Variants in KLRD1 observed in about 807,000 individuals in gnomAD.
KLRD1 encodes the protein killer cell lectin like receptor D1.
A neutral mutation model predicts 22.6 loss-of-function variants in KLRD1; 21 were observed. That is an observed-to-expected ratio of 0.93 (90% CI 0.66 to 1.34). The LOEUF (loss-of-function observed/expected upper bound fraction) is 1.34, where lower values mean the gene tolerates loss of function less well. Among genes scored for constraint, KLRD1 ranks in the 40% most tolerant of loss-of-function variants. The pLI is 0.00. For missense variants in KLRD1, 183 were observed against 208.6 expected, an observed-to-expected ratio of 0.88 and a Z score of 0.76; for synonymous variants, 59 against 71.1, an observed-to-expected ratio of 0.83 and a Z score of 0.85.
intron 1 of KLRD1, among the ~76,000 whole-genome samples, chr12:10,290,431 A>G (rs1171597013): frequency 6.6e-6 from 1 of 152,242 alleles, no homozygotes; most frequent in Non-Finnish European, 1.5e-5. Flanking sequence ...AATCAGAGGT[A>G]GAAGGAATTT....
At chr12:10,257,109 C>CTTGTT (rs200312444) in intron 1 of KLRD1, among the ~76,000 whole-genome samples, 4,326 of 95,894 alleles carry the variant, frequency 0.045, 301 homozygotes, top group African/African-American at 0.13. Context: ...CAAATATTTT[C>CTTGTT]TTGTTTTGTT....
intron 1 of KLRD1, among the ~76,000 whole-genome samples, chr12:10,279,239 T>C (rs1949619317): frequency 6.6e-6 from 1 of 152,202 alleles, no homozygotes; most frequent in Non-Finnish European, 1.5e-5. Flanking sequence ...AGTGAGAACA[T>C]GCAGTATTTG....
intron 1 of KLRD1, among the ~76,000 whole-genome samples, chr12:10,272,739 CTATG>C (rs1405779496): frequency 1.3e-5 from 2 of 152,156 alleles, no homozygotes; most frequent in Non-Finnish European, 2.9e-5. Flanking sequence ...AATATGTAAA[CTATG>C]TTTTTGACTT....
chr12:10,263,139 C>T (rs1949469126), intron 1 of KLRD1, among the ~76,000 whole-genome samples: 1 of 151,904 alleles, frequency 6.6e-6, no homozygotes, highest in African/African-American at 2.4e-5. Flanking sequence ...TATTTTTATG[C>T]TGAGCTATTT....
At chr12:10,308,121 A>G (rs1291343626) in intron 1 of KLRD1, 37 bp downstream of exon 1, 11 of 1,593,974 alleles carry the variant, frequency 6.9e-6, no homozygotes, top group Non-Finnish European at 9.5e-6. Flanking sequence ...AAAAATAACC[A>G]GAAAAGCTAT....
chr12:10,299,978 A>T (rs1283291762), upstream of KLRD1, among the ~76,000 whole-genome samples: 1 of 152,192 alleles, frequency 6.6e-6, no homozygotes, highest in Non-Finnish European at 1.5e-5. Context: ...CAATTCCGCC[A>T]CGACTTCAGT....
intron 3 of KLRD1, among the ~76,000 whole-genome samples, chr12:10,310,683 G>A (rs546910394): frequency 3.9e-4 from 60 of 152,304 alleles, no homozygotes; most frequent in Non-Finnish European, 6.8e-4. Context: ...TACTCAGGAG[G>A]CTGAGGCATG....
chr12:10,258,907 A>G (rs766092491), intron 1 of KLRD1, among the ~76,000 whole-genome samples: 138 of 152,304 alleles, frequency 9.1e-4, no homozygotes, highest in Non-Finnish European at 1.4e-3. Flanking sequence ...CCTTGGGAAA[A>G]GGGAATCTGT....
At chr12:10,264,812 T>C (rs74754958) in intron 1 of KLRD1, among the ~76,000 whole-genome samples, 2,392 of 152,240 alleles carry the variant, frequency 0.016, 54 homozygotes, top group African/African-American at 0.054. Flanking sequence ...TTATTCGTCT[T>C]TTAACTGAAA....
At chr12:10,307,676 T>G, upstream of KLRD1, 1 of 160,982 alleles carries the variant, frequency 6.2e-6, no homozygotes, top group Non-Finnish European at 1.4e-5. Context: ...ATCATTTCCT[T>G]CATTTTCCAG....
intron 3 of KLRD1, among the ~76,000 whole-genome samples, chr12:10,310,507 T>C (rs1950037359): frequency 6.6e-6 from 1 of 152,186 alleles, no homozygotes; most frequent in Non-Finnish European, 1.5e-5. Flanking sequence ...TTATTTACAG[T>C]GCAACATCTT....
At chr12:10,287,008 C>T (rs890542184) in intron 1 of KLRD1, among the ~76,000 whole-genome samples, 20 of 152,066 alleles carry the variant, frequency 1.3e-4, no homozygotes, top group East Asian at 1.9e-4. Context: ...CGTGGTGGTG[C>T]GCCTGTAGTC....
intron 1 of KLRD1, among the ~76,000 whole-genome samples, chr12:10,257,612 G>GTATC (rs1176568147): frequency 1.4e-5 from 2 of 146,418 alleles, no homozygotes; most frequent in Admixed American, 1.4e-4. Flanking sequence ...TTTGTTCTAT[G>GTATC]TATCACCCAC....
chr12:10,277,540 T>C (rs1393006204), intron 1 of KLRD1, among the ~76,000 whole-genome samples: 1 of 152,152 alleles, frequency 6.6e-6, no homozygotes, highest in Non-Finnish European at 1.5e-5. Flanking sequence ...AATTTGGGAC[T>C]CAGTTCTGCC....
chr12:10,272,367 TTTCTGAGATTTAAG>T (rs1481137554), intron 1 of KLRD1, among the ~76,000 whole-genome samples: 1 of 152,160 alleles, frequency 6.6e-6, no homozygotes, highest in African/African-American at 2.4e-5. Flanking sequence ...AAACTATAAT[TTTCTGAGATTTAAG>T]TCCCCTCTAA....
intron 1 of KLRD1, among the ~76,000 whole-genome samples, chr12:10,294,227 G>A (rs1429109899): frequency 6.6e-6 from 1 of 152,088 alleles, no homozygotes; most frequent in Non-Finnish European, 1.5e-5. Context: ...ATTTTAACAT[G>A]AATTTGCACA....
At chr12:10,304,811 A>G (rs1362888281), upstream of KLRD1, among the ~76,000 whole-genome samples, 1 of 152,254 alleles carries the variant, frequency 6.6e-6, no homozygotes. Context: ...AACACACTAT[A>G]TATAAGAAAC....
chr12:10,323,619 A>G lies in KLRD1; in HGVS notation c.*8826A>G, dbSNP rs1395063764. On this transcript the variant is annotated 3_prime_UTR_variant, in exon 6 of 6. Transcript: ENST00000336164. ...TGTGAAACCATCACCTCAGCAATAT[A>G]TAAAACACCTACTAACCTCAAAAGT... is the stretch of plus-strand genomic sequence containing the variant. 1 of 152,078 alleles carries G rather than the reference A, an allele frequency of 6.6e-6. No homozygotes were observed. The allele number at this position is 152,078 out of a possible 1,614,324, so 9.4% of individuals were successfully genotyped here. A position where few individuals can be genotyped will look rare whatever the true frequency, so the allele number is the denominator to read the frequency against.
intron 1 of KLRD1, among the ~76,000 whole-genome samples, chr12:10,280,257 T>C (rs941697460): frequency 1.3e-5 from 2 of 152,112 alleles, no homozygotes; most frequent in Non-Finnish European, 2.9e-5. Flanking sequence ...TGAAAAATAA[T>C]CACTGGATTA....
Sources: gnomAD v4.1 joint callset for allele counts (sites outside exome capture counted in the v4.1 genomes callset) on GRCh38, gnomAD v4.1.1 for gene constraint, MANE v1.5 for transcripts, NCBI Gene and HGNC (gene_info 2026-07-23, HGNC 2026-07-21) for gene names.